Variants in EPS8 observed in about 807,000 individuals in gnomAD.
EPS8 encodes the protein epidermal growth factor receptor kinase substrate 8.
In EPS8, 42 loss-of-function variants were observed where a neutral mutation model predicts 103.8. That is an observed-to-expected ratio of 0.40 (90% CI 0.32 to 0.52). The LOEUF (loss-of-function observed/expected upper bound fraction) is 0.52, where lower values mean the gene tolerates loss of function less well. EPS8 is among the 20% of genes least tolerant of loss of function. The pLI, the probability that EPS8 is intolerant of heterozygous loss-of-function variation, is 0.40. For missense variants in EPS8, 969 were observed against 1,005.1 expected, an observed-to-expected ratio of 0.96 and a Z score of 0.49; for synonymous variants, 344 against 344.6, an observed-to-expected ratio of 1.00 and a Z score of 0.02.
chr12:15,680,103 A>G (rs996480631), intron 3 of EPS8, among the ~76,000 whole-genome samples: 3 of 152,190 alleles, frequency 2.0e-5, no homozygotes, highest in East Asian at 3.9e-4. Context: ...GAAACCAACA[A>G]CAATCAGATT....
chr12:15,765,604 T>C (rs892820160), intron 1 of EPS8, among the ~76,000 whole-genome samples: 10 of 151,988 alleles, frequency 6.6e-5, no homozygotes. Context: ...CTGAAATTAT[T>C]GGGGGTAGAG....
chr12:15,638,989 T>C (rs557405392), intron 17 of EPS8, among the ~76,000 whole-genome samples: 3 of 152,362 alleles, frequency 2.0e-5, no homozygotes, highest in African/African-American at 7.2e-5. Context: ...ATTCCTATTA[T>C]AGAATTCATA....
At chr12:15,689,763 A>G (rs953256824) in intron 1 of EPS8, among the ~76,000 whole-genome samples, 3 of 152,200 alleles carry the variant, frequency 2.0e-5, no homozygotes, top group Admixed American at 2.0e-4. Flanking sequence ...CTGTGTACCC[A>G]TTGTTAAGTG....
intron 14 of EPS8, 91 bp downstream of exon 14, chr12:15,650,731 GT>G: frequency 2.8e-6 from 3 of 1,075,898 alleles, no homozygotes; most frequent in Non-Finnish European, 4.1e-6. Context: ...ACAATTTTCA[GT>G]TGAATAAAAT....
chr12:15,671,939 C>T (rs1218658184), intron 3 of EPS8: 2 of 152,100 alleles, frequency 1.3e-5, no homozygotes, highest in Admixed American at 6.6e-5. Flanking sequence ...GTTCCAGCTT[C>T]GGCTCTGTCA....
chr12:15,770,288 CA>C (rs367721789), intron 1 of EPS8, among the ~76,000 whole-genome samples: 12 of 119,800 alleles, frequency 1.0e-4, no homozygotes, highest in Non-Finnish European at 9.8e-5. Context: ...GACCCTGTCT[CA>C]AAAAAAAAAA....
intron 1 of EPS8, among the ~76,000 whole-genome samples, chr12:15,707,106 A>G (rs542561813): frequency 2.0e-5 from 3 of 152,332 alleles, no homozygotes; most frequent in African/African-American, 7.2e-5. Flanking sequence ...ACATGTTTGA[A>G]AATGTAGCCC....
intron 18 of EPS8, among the ~76,000 whole-genome samples, chr12:15,629,314 G>A (rs1945003507): frequency 6.6e-6 from 1 of 152,180 alleles, no homozygotes; most frequent in Admixed American, 6.5e-5. Context: ...GGGGACTGGA[G>A]GCCGATGAAC....
rs1314334682 is a variant in EPS8 at position 15,704,894 on chromosome 12, T to C, written c.-21-21922A>G. Among the ~76,000 whole-genome samples, 1 of 152,142 alleles carries C rather than the reference T, an allele frequency of 6.6e-6. No homozygotes were observed. The highest frequency in any genetic ancestry group is 1.5e-5 in the Non-Finnish European group (1 of 68,016). ...TGTACTAGAAGATTAACAATTTCCTTGGCATGCGTGCGCATGCACACACAC... is the reference window on the plus strand; with the variant it reads ...TGTACTAGAAGATTAACAATTTCCTCGGCATGCGTGCGCATGCACACACAC... On this transcript the variant is annotated intron_variant, in intron 1 of 20. Coordinates refer to ENST00000281172, the MANE Select transcript of EPS8 (RefSeq NM_004447.6). The surrounding 1 kb of genome is among the most constrained non-coding windows in gnomAD (Gnocchi z 4.6).
At chr12:15,708,323 C>A (rs1252293765) in intron 1 of EPS8, among the ~76,000 whole-genome samples, 2 of 152,130 alleles carry the variant, frequency 1.3e-5, no homozygotes, top group African/African-American at 4.8e-5. Flanking sequence ...ATAACATAAT[C>A]CATGTTAAGC....
chr12:15,639,016 T>A (rs1444030222), intron 17 of EPS8, among the ~76,000 whole-genome samples: 2 of 152,352 alleles, frequency 1.3e-5, no homozygotes, highest in East Asian at 1.9e-4. Flanking sequence ...GCATGTTTTT[T>A]ATTTTATCGC....
At chr12:15,638,436 G>A (rs1375727114) in intron 17 of EPS8, among the ~76,000 whole-genome samples, 2 of 152,082 alleles carry the variant, frequency 1.3e-5, no homozygotes, top group Non-Finnish European at 2.9e-5. Flanking sequence ...TTCAGGAGGT[G>A]TTAAAAAGCA....
intron 14 of EPS8, among the ~76,000 whole-genome samples, 162 bp from the exon 15 acceptor site, chr12:15,647,422 T>A (rs555047664): frequency 6.6e-6 from 1 of 152,322 alleles, no homozygotes; most frequent in Non-Finnish European, 1.5e-5. Flanking sequence ...CACATTTTTG[T>A]CAAATACTTA....
chr12:15,666,728 A>T (rs1281149683), intron 6 of EPS8, among the ~76,000 whole-genome samples: 1 of 152,210 alleles, frequency 6.6e-6, no homozygotes, highest in Non-Finnish European at 1.5e-5. Flanking sequence ...AAACTGAAGA[A>T]ATTTTTAATG....
At chr12:15,788,968 G>A (rs1388665530) in intron 1 of EPS8, among the ~76,000 whole-genome samples, 193 bp downstream of exon 1, 1 of 152,128 alleles carries the variant, frequency 6.6e-6, no homozygotes, top group Admixed American at 6.5e-5. Context: ...CGGACCCGGC[G>A]AGCGGACGCC....
rs1946939052 is a variant in EPS8 at position 15,752,138 on chromosome 12, C to A, written c.-22+37023G>T. 6.6e-6 allele frequency among the ~76,000 whole-genome samples: 1 copy of A among 152,154 alleles called. No homozygotes were observed. The highest frequency in any genetic ancestry group is 2.4e-5 in the African/African-American group (1 of 41,416). ...GGTACTTGATATCAAGAAAGCAGCT[C>A]CTAATTAGAGCTATTAAAATTCCCC... On this transcript the variant is annotated intron_variant, in intron 1 of 20. Coordinates refer to ENST00000281172, the MANE Select transcript of EPS8 (RefSeq NM_004447.6). This position sits in a 1 kb window ranked among gnomAD's most constrained non-coding sequence, Gnocchi z 4.4.
chr12:15,730,019 C>T (rs1048271595), intron 1 of EPS8, among the ~76,000 whole-genome samples: 2 of 152,118 alleles, frequency 1.3e-5, no homozygotes, highest in African/African-American at 2.4e-5. Context: ...AAAATGGCTC[C>T]GTACTGGCTA....
At chr12:15,788,866 G>T (rs188751165) in intron 1 of EPS8, among the ~76,000 whole-genome samples, 2 of 152,240 alleles carry the variant, frequency 1.3e-5, no homozygotes, top group East Asian at 3.9e-4. Flanking sequence ...GGAAGCTCAG[G>T]TTACCATGAA....
intron 1 of EPS8, among the ~76,000 whole-genome samples, chr12:15,729,227 T>A (rs1946686979): frequency 6.6e-6 from 1 of 152,192 alleles, no homozygotes; most frequent in Admixed American, 6.5e-5. Flanking sequence ...GTCTGTAGAT[T>A]TTTTGGTGTT....
Sources: allele counts gnomAD v4.1 joint callset (sites outside exome capture counted in the v4.1 genomes callset), GRCh38; gene constraint gnomAD v4.1.1; non-coding constraint Gnocchi (gnomAD v3.1); transcripts MANE v1.5; gene names NCBI Gene and HGNC (gene_info 2026-07-23, HGNC 2026-07-21).